NSUN6: variants seen among roughly 807,000 people sequenced by gnomAD.
NSUN6 encodes NOP2/Sun RNA methyltransferase 6.
In NSUN6, 64 loss-of-function variants were observed where a neutral mutation model predicts 58.0. The ratio of observed to expected loss-of-function variants is 1.10; its 90% CI spans 0.90 to 1.36. The LOEUF is 1.36. NSUN6 is among the 40% of genes most tolerant of loss of function. NSUN6 has a pLI of 0.00. For synonymous variants in NSUN6, 231 were observed against 193.9 expected (o/e 1.19, Z -1.59); for missense variants, 701 against 550.1 (o/e 1.27, Z -2.74).
At chr10:18,649,732 G>A (rs1447708398) in intron 1 of NSUN6, among the ~76,000 whole-genome samples, 3 of 151,798 alleles carry the variant, frequency 2.0e-5, no homozygotes, top group African/African-American at 4.8e-5. Context: ...GATGAGACTC[G>A]AGGCAGAGGC....
At position 18,639,603 on chromosome 10, in the gene NSUN6, T is replaced by C. The variant is rs199993385; in HGVS notation, c.311+2873A>G. ...TCTTTTTAAGAATGAAAGGTGGGTA[T>C]GTGAATAATTTTTTCAGGCTTCCCT... On this transcript the variant is annotated intron_variant, in intron 3 of 10. Transcript: ENST00000377304. Among the ~76,000 whole-genome samples, 12 of 152,320 alleles carry C rather than the reference T, an allele frequency of 7.9e-5. No homozygotes were observed. The East Asian group carries it at 2.3e-3, about 29-fold the overall frequency.
intron 2 of NSUN6, among the ~76,000 whole-genome samples, chr10:18,644,596 G>A (rs963912917): frequency 6.6e-6 from 1 of 151,246 alleles, no homozygotes; most frequent in Non-Finnish European, 1.5e-5. Flanking sequence ...CAGCACTTTG[G>A]GAGGCCGAGG....
At chr10:18,617,675 T>C (rs1590081720) in intron 3 of NSUN6, among the ~76,000 whole-genome samples, 1 of 152,160 alleles carries the variant, frequency 6.6e-6, no homozygotes, top group South Asian at 2.1e-4. Context: ...TCTGCCCAGA[T>C]AACCAAACTA....
At chr10:18,549,622 G>C (rs2133388678) in intron 9 of NSUN6, among the ~76,000 whole-genome samples, 2 of 152,228 alleles carry the variant, frequency 1.3e-5, no homozygotes, top group South Asian at 4.2e-4. Context: ...TCAACATCTA[G>C]AATAGCGTCT....
chr10:18,616,416 C>CTGAG, intron 3 of NSUN6, 123 bp from the exon 4 acceptor site: 1 of 545,388 alleles, frequency 1.8e-6, no homozygotes, highest in Non-Finnish European at 3.2e-6. Context: ...CATAAGAAAA[C>CTGAG]GCTGAAAAGA....
chr10:18,577,814 A>T (rs532509503), intron 8 of NSUN6, among the ~76,000 whole-genome samples: 1 of 152,242 alleles, frequency 6.6e-6, no homozygotes, highest in South Asian at 2.1e-4. Flanking sequence ...ACTCATTCTG[A>T]TCTACCCTGG....
At chr10:18,648,981 T>A (rs1378172393) in intron 1 of NSUN6, among the ~76,000 whole-genome samples, 1 of 152,210 alleles carries the variant, frequency 6.6e-6, no homozygotes, top group Non-Finnish European at 1.5e-5. Flanking sequence ...TTATAATGCA[T>A]TACCATTACA....
intron 7 of NSUN6, among the ~76,000 whole-genome samples, chr10:18,593,915 G>T (rs1212642522): frequency 2.0e-5 from 3 of 150,364 alleles, no homozygotes; most frequent in Non-Finnish European, 4.4e-5. Flanking sequence ...AGAATGCATC[G>T]TGGGCCAGGC....
At chr10:18,593,041 C>T (rs191276274) in intron 7 of NSUN6, among the ~76,000 whole-genome samples, 175 of 152,094 alleles carry the variant, frequency 1.2e-3, no homozygotes, top group African/African-American at 3.8e-3. Flanking sequence ...AAAAAGTGGA[C>T]GAAGGATATG....
rs1477821790 is a variant in NSUN6, at chr10:18,651,494, A to C, written c.-291T>G. 9 of 1,095,532 alleles carry C rather than the reference A, an allele frequency of 8.2e-6. No individual in the cohort carries two copies. The highest frequency in any genetic ancestry group is 7.8e-6 in the Non-Finnish European group (7 of 902,168). 67.9% of individuals were successfully genotyped at this position (1,095,532 alleles called of 1,614,324 possible). ...CACTCACGTTGCAAAGAACCAAAAA[A>C]AGAAAAAAATGCTTAGTAACTGAAT... On this transcript the variant is annotated 5_prime_UTR_variant, in exon 1 of 11. Coordinates refer to ENST00000377304, the MANE Select transcript of NSUN6 (RefSeq NM_182543.5).
intron 6 of NSUN6, among the ~76,000 whole-genome samples, chr10:18,604,075 G>T (rs551537121): frequency 2.0e-5 from 3 of 151,984 alleles, no homozygotes; most frequent in African/African-American, 7.2e-5. Context: ...CCACCTACTC[G>T]GGAGGCTGAA....
At chr10:18,621,826 A>T (rs969327887) in intron 3 of NSUN6, among the ~76,000 whole-genome samples, 2 of 152,202 alleles carry the variant, frequency 1.3e-5, no homozygotes, top group African/African-American at 2.4e-5. Flanking sequence ...TTAACTGCAC[A>T]TATTCACAAC....
intron 8 of NSUN6, among the ~76,000 whole-genome samples, chr10:18,579,648 T>G (rs1482935800): frequency 1.3e-5 from 2 of 152,114 alleles, no homozygotes; most frequent in Non-Finnish European, 2.9e-5. Flanking sequence ...GGGTACAGTT[T>G]GCTTTTATGC....
At chr10:18,624,320 A>G (rs1395962941) in intron 3 of NSUN6, among the ~76,000 whole-genome samples, 1 of 152,022 alleles carries the variant, frequency 6.6e-6, no homozygotes, top group African/African-American at 2.4e-5. Context: ...GATAAAACTT[A>G]TCTCCTATAC....
chr10:18,653,556 G>C (rs2059744406), upstream of NSUN6: 1 of 152,470 alleles, frequency 6.6e-6, no homozygotes, highest in Non-Finnish European at 1.5e-5. Flanking sequence ...ATTTTTAGTA[G>C]AGATGGGGTT....
intron 5 of NSUN6, among the ~76,000 whole-genome samples, chr10:18,613,873 G>A (rs1650): frequency 0.057 from 8,705 of 152,164 alleles, 324 homozygotes; most frequent in Non-Finnish European, 0.081. Flanking sequence ...GCTGTCCACA[G>A]AACTCAAAAA....
At chr10:18,572,728 C>T (rs2130992820) in intron 8 of NSUN6, among the ~76,000 whole-genome samples, 2 of 150,072 alleles carry the variant, frequency 1.3e-5, no homozygotes, top group Middle Eastern at 3.6e-3. Context: ...CATTCCATTC[C>T]ACATCCTCCT....
At chr10:18,608,037 G>A (rs540680195) in intron 6 of NSUN6, among the ~76,000 whole-genome samples, 5 of 152,156 alleles carry the variant, frequency 3.3e-5, no homozygotes, top group African/African-American at 7.2e-5. Flanking sequence ...ATGGCCATCA[G>A]AAACTGGCCA....
intron 6 of NSUN6, among the ~76,000 whole-genome samples, chr10:18,603,604 G>A (rs904241655): frequency 1.3e-5 from 2 of 151,738 alleles, no homozygotes; most frequent in Non-Finnish European, 2.9e-5. Context: ...CCAAATAGCT[G>A]GGATTACAGG....
Sources: allele counts gnomAD v4.1 joint callset (sites outside exome capture counted in the v4.1 genomes callset), GRCh38; gene constraint gnomAD v4.1.1; transcripts MANE v1.5; gene names NCBI Gene and HGNC (gene_info 2026-07-23, HGNC 2026-07-21).